The following ACYP2 variants were observed in gnomAD, a reference collection of about 807,000 sequenced individuals.
The protein encoded by ACYP2 is acylphosphatase-2.
Under a neutral mutation model 11.2 loss-of-function variants are expected in ACYP2, and 12 were observed. That is an observed-to-expected ratio of 1.08 (90% CI 0.69 to 1.74). ACYP2 has a LOEUF of 1.74. Among genes scored for constraint, ACYP2 ranks in the 40% most tolerant of loss-of-function variants. The pLI, the probability that ACYP2 is intolerant of heterozygous loss-of-function variation, is 0.00. For missense variants in ACYP2, 134 were observed against 101.9 expected (o/e 1.31, Z -1.35); for synonymous variants, 43 against 32.2 (o/e 1.33, Z -1.13).
intron 6 of ACYP2, among the ~76,000 whole-genome samples, chr2:54,202,404 GC>G (rs1408555289): frequency 7.7e-6 from 1 of 130,298 alleles, no homozygotes; most frequent in African/African-American, 3.5e-5. Context: ...ACTGTGCCTG[GC>G]TTTTTTTTTT....
chr2:54,016,869 G>A (rs1319401477), intron 2 of ACYP2, among the ~76,000 whole-genome samples: 2 of 151,886 alleles, frequency 1.3e-5, no homozygotes, highest in Non-Finnish European at 2.9e-5. Context: ...GGGACTACAG[G>A]CGCCCGCCAC....
intron 3 of ACYP2, chr2:54,057,091 G>A: frequency 2.6e-6 from 1 of 386,052 alleles, no homozygotes; most frequent in Non-Finnish European, 4.6e-6. Context: ...TCAATATTTG[G>A]GTTGATAGGG....
chr2:54,220,194 G>A (rs1685745734), intron 6 of ACYP2, among the ~76,000 whole-genome samples: 1 of 151,782 alleles, frequency 6.6e-6, no homozygotes, highest in Admixed American at 6.6e-5. Flanking sequence ...ATATTGCCAA[G>A]GAATTCTTTG....
At chr2:54,060,547 T>A (rs939368102) in intron 4 of ACYP2, among the ~76,000 whole-genome samples, 3 of 152,224 alleles carry the variant, frequency 2.0e-5, no homozygotes, top group African/African-American at 7.2e-5. Context: ...TCCTCAAATA[T>A]CTTATAATCT....
intron 2 of ACYP2, among the ~76,000 whole-genome samples, chr2:54,042,403 T>G (rs974077585): frequency 7.6e-4 from 116 of 152,300 alleles, no homozygotes; most frequent in African/African-American, 2.7e-3. Flanking sequence ...TCAGAATAAT[T>G]TAAGAGGAGC....
intron 6 of ACYP2, among the ~76,000 whole-genome samples, chr2:54,195,602 C>T (rs972702229): frequency 2.0e-5 from 3 of 149,116 alleles, no homozygotes; most frequent in East Asian, 2.0e-4. Flanking sequence ...CTATCACATC[C>T]GCAGCCACGT....
At chr2:54,114,637 T>A (rs752891048) in intron 4 of ACYP2, among the ~76,000 whole-genome samples, 4 of 152,136 alleles carry the variant, frequency 2.6e-5, no homozygotes, top group Non-Finnish European at 4.4e-5. Flanking sequence ...TGAGCTGAGA[T>A]TGCACTACTG....
At chr2:54,197,651 G>C (rs1157126101) in intron 6 of ACYP2, among the ~76,000 whole-genome samples, 1 of 152,140 alleles carries the variant, frequency 6.6e-6, no homozygotes, top group East Asian at 1.9e-4. Flanking sequence ...AAGATCTAGG[G>C]TAAAGGCATT....
intron 2 of ACYP2, among the ~76,000 whole-genome samples, chr2:53,994,825 A>G (rs1050126340): frequency 6.6e-6 from 1 of 152,172 alleles, no homozygotes; most frequent in African/African-American, 2.4e-5. Flanking sequence ...ATACACACAC[A>G]TAAAATATAC....
intron 6 of ACYP2, among the ~76,000 whole-genome samples, chr2:54,232,672 T>C (rs1030936121): frequency 1.3e-5 from 2 of 152,148 alleles, no homozygotes; most frequent in Non-Finnish European, 2.9e-5. Context: ...CAGTTCTGCA[T>C]GGCTGGGGAG....
chr2:54,158,639 A>G (rs907155638), intron 6 of ACYP2, among the ~76,000 whole-genome samples: 2 of 152,194 alleles, frequency 1.3e-5, no homozygotes, highest in African/African-American at 4.8e-5. Context: ...TGATTCCTGG[A>G]TATGGGTCAA....
rs116774447 is a variant in ACYP2 at position 53,982,976 on chromosome 2, A to G, written c.62+9166A>G. Among the ~76,000 whole-genome samples, 335 of 152,182 alleles carry G rather than the reference A, an allele frequency of 2.2e-3. 1 individual carries two copies. The highest frequency in any genetic ancestry group is 3.4e-3 in the Non-Finnish European group (234 of 68,012). On this transcript the variant is annotated intron_variant, in intron 2 of 6. Transcript: ENST00000607452. ...CCTTTTCGTAAAGATCCATTTCTGC[A>G]TGGGTCCTATTATCATGGAGCTCAC...
intron 6 of ACYP2, among the ~76,000 whole-genome samples, chr2:54,241,919 A>G (rs1382700331): frequency 6.6e-6 from 1 of 152,146 alleles, no homozygotes; most frequent in African/African-American, 2.4e-5. Flanking sequence ...AGGCTAAGGC[A>G]GGGAGAATTA....
chr2:54,106,828 C>A (rs373516341), intron 4 of ACYP2, among the ~76,000 whole-genome samples: 2 of 152,090 alleles, frequency 1.3e-5, no homozygotes, highest in African/African-American at 4.8e-5. Context: ...CGTGATCCGC[C>A]CCCCCTCGGC....
At chr2:54,218,576 A>G (rs1685655390) in intron 6 of ACYP2, among the ~76,000 whole-genome samples, 1 of 152,130 alleles carries the variant, frequency 6.6e-6, no homozygotes, top group South Asian at 2.1e-4. Context: ...TTAGGATTGC[A>G]TTTTGCTTCA....
At chr2:54,124,815 A>G (rs1368540193) in intron 4 of ACYP2, among the ~76,000 whole-genome samples, 1 of 151,688 alleles carries the variant, frequency 6.6e-6, no homozygotes, top group Non-Finnish European at 1.5e-5. Flanking sequence ...ATCCTCCCCC[A>G]CTCTATCCTC....
chr2:54,010,715 C>T (rs555921722), intron 2 of ACYP2, among the ~76,000 whole-genome samples: 4 of 143,212 alleles, frequency 2.8e-5, no homozygotes, highest in East Asian at 4.1e-4. Flanking sequence ...TCCTCCACTT[C>T]GGTTTCTCTT....
At position 54,201,628 on chromosome 2, in the gene ACYP2, CTTTCTT is replaced by C. The variant is rs1558608687; in HGVS notation, c.404+62882_404+62887del. On this transcript the variant is annotated intron_variant, in intron 6 of 6. Coordinates refer to ENST00000607452, the MANE Select transcript of ACYP2 (RefSeq NM_001320586.2). The stretch of plus-strand genomic sequence containing the variant: ...TCTTTCTTTCTTTCTTTCTTTGTTT[CTTTCTT>C]TCTCTTTCTTTCTTTCTTTCTTTCT... Among the ~76,000 whole-genome samples, 127 of 99,500 alleles carry C rather than the reference CTTTCTT, an allele frequency of 1.3e-3. 1 individual carries two copies. Among genetic ancestry groups the C allele is most frequent in the African/African-American group, 4.6e-3 (117 of 25,520 alleles). 65.3% of individuals were successfully genotyped at this position (99,500 alleles called of 152,430 possible). A position where few individuals can be genotyped will look rare whatever the true frequency, so the allele number is the denominator to read the frequency against.
intron 2 of ACYP2, among the ~76,000 whole-genome samples, chr2:53,999,141 G>T (rs1672695198): frequency 6.6e-6 from 1 of 152,148 alleles, no homozygotes; most frequent in South Asian, 2.1e-4. Context: ...AAAGTAAAAG[G>T]AATTCTGGGC....
Sources: allele counts gnomAD v4.1 joint callset (sites outside exome capture counted in the v4.1 genomes callset), GRCh38; gene constraint gnomAD v4.1.1; transcripts MANE v1.5; gene names NCBI Gene and HGNC (gene_info 2026-07-23, HGNC 2026-07-21).